RALGAPA2: variants seen among roughly 807,000 people sequenced by gnomAD.
RALGAPA2 encodes ral GTPase-activating protein subunit alpha-2.
In RALGAPA2, 139 loss-of-function variants were observed where a neutral mutation model predicts 230.4. That is an observed-to-expected ratio of 0.60 (90% confidence interval 0.53 to 0.69). The LOEUF is 0.69. Among genes scored for constraint, RALGAPA2 ranks in the 30% least tolerant of loss-of-function variants. The probability of loss-of-function intolerance (pLI) is 0.00; values close to 1 mark genes in which losing one functional copy is unlikely to be tolerated. For missense variants in RALGAPA2, 2,163 were observed against 2,276.0 expected (o/e 0.95, Z 1.01); for synonymous variants, 847 against 837.8 (o/e 1.01, Z -0.19).
At chr20:20,457,155 G>C (rs986098214) in intron 37 of RALGAPA2, among the ~76,000 whole-genome samples, 1 of 152,164 alleles carries the variant, frequency 6.6e-6, no homozygotes, top group African/African-American at 2.4e-5. Flanking sequence ...GACTGTCCTA[G>C]GTCAGGTTCA....
intron 23 of RALGAPA2, among the ~76,000 whole-genome samples, chr20:20,561,609 T>C (rs1328241808): frequency 2.6e-5 from 4 of 152,184 alleles, no homozygotes; most frequent in Admixed American, 2.6e-4. Flanking sequence ...TGTACCCCCT[T>C]TTTGAAAACT....
At position 20,605,174 on chromosome 20, in the gene RALGAPA2, C is replaced by A. The variant is rs749714114; in HGVS notation, c.2038+1G>T. 14 of 1,594,180 alleles carry A rather than the reference C, an allele frequency of 8.8e-6. No individual in the cohort carries two copies. The highest frequency in any genetic ancestry group is 1.2e-5 in the Non-Finnish European group (14 of 1,165,468). ...GTGTTAACCTGGAAGAGTGGAAATA[C>A]CTTTGCCTCGTTGCTTCTTTTCCTT... On this transcript the variant is annotated splice_donor_variant, in intron 15 of 39. Transcript: ENST00000202677. LOFTEE classifies it high-confidence loss of function.
At chr20:20,538,959 T>C (rs2063568660) in intron 24 of RALGAPA2, among the ~76,000 whole-genome samples, 1 of 152,220 alleles carries the variant, frequency 6.6e-6, no homozygotes, top group Admixed American at 6.5e-5. Flanking sequence ...TTCAATTAAA[T>C]AAATGAAATT....
intron 36 of RALGAPA2, among the ~76,000 whole-genome samples, 195 bp downstream of exon 36, chr20:20,494,922 C>A (rs992759658): frequency 1.3e-5 from 2 of 152,098 alleles, no homozygotes; most frequent in African/African-American, 4.8e-5. Context: ...CAATTTTGTG[C>A]TCATGATGAA....
At chr20:20,549,390 T>C (rs182371266) in intron 23 of RALGAPA2, among the ~76,000 whole-genome samples, 2 of 152,266 alleles carry the variant, frequency 1.3e-5, no homozygotes, top group Admixed American at 1.3e-4. Flanking sequence ...CAACGGAACC[T>C]GCTACTATGA....
chr20:20,574,046 G>A (rs1458621294), intron 20 of RALGAPA2, among the ~76,000 whole-genome samples: 7 of 152,134 alleles, frequency 4.6e-5, no homozygotes, highest in South Asian at 4.1e-4. Flanking sequence ...GTGCTGTTAC[G>A]GTTTGCACTC....
At chr20:20,666,471 ACT>A (rs2067958610) in intron 3 of RALGAPA2, among the ~76,000 whole-genome samples, 1 of 152,156 alleles carries the variant, frequency 6.6e-6, no homozygotes, top group African/African-American at 2.4e-5. Flanking sequence ...TCCCTCTTCC[ACT>A]CAAAAACCGT....
At chr20:20,539,569 C>T (rs2063586318) in intron 24 of RALGAPA2, among the ~76,000 whole-genome samples, 1 of 151,914 alleles carries the variant, frequency 6.6e-6, no homozygotes, top group Non-Finnish European at 1.5e-5. Context: ...AAATGATTAC[C>T]ACAAACAAGT....
chr20:20,708,244 G>C (rs1292572940), intron 1 of RALGAPA2, among the ~76,000 whole-genome samples: 4 of 152,082 alleles, frequency 2.6e-5, no homozygotes, highest in African/African-American at 7.2e-5. Context: ...CACTAAAAAA[G>C]ATTAAAATTG....
intron 37 of RALGAPA2, among the ~76,000 whole-genome samples, chr20:20,432,088 C>T (rs1004880912): frequency 6.6e-6 from 1 of 152,186 alleles, no homozygotes; most frequent in African/African-American, 2.4e-5. Context: ...GTGCGAGAAA[C>T]AGTAAGGACT....
intron 10 of RALGAPA2, among the ~76,000 whole-genome samples, chr20:20,627,518 GTT>G (rs1018819644): frequency 9.9e-5 from 15 of 152,248 alleles, no homozygotes; most frequent in African/African-American, 2.9e-4. Flanking sequence ...TCTACACCTG[GTT>G]TACCCAGTCA....
chr20:20,672,098 T>C (rs1317290408), intron 3 of RALGAPA2, among the ~76,000 whole-genome samples: 1 of 152,154 alleles, frequency 6.6e-6, no homozygotes, highest in East Asian at 1.9e-4. Flanking sequence ...TTCCCAGCTA[T>C]GGTAAGTTTA....
chr20:20,688,901 C>T (rs1214536513), intron 1 of RALGAPA2, among the ~76,000 whole-genome samples: 1 of 152,152 alleles, frequency 6.6e-6, no homozygotes, highest in East Asian at 1.9e-4. Context: ...GTCAGGACTA[C>T]TACCCTAGAT....
intron 37 of RALGAPA2, among the ~76,000 whole-genome samples, chr20:20,465,149 T>TCTCACACACACACACACACACA (rs1556066770): frequency 2.7e-5 from 3 of 109,210 alleles, no homozygotes; most frequent in East Asian, 3.1e-4. Flanking sequence ...CCGCAGGCCT[T>TCTCACACACACACACACACACA]CACACACACA....
In RALGAPA2 at chr20:20,395,036, G is replaced by T. The variant is rs8115996; in HGVS notation, c.*35+1659C>A. ...CACTCACCCAGGGAGGATAAAGAGG[G>T]AAAGAGGGGTGCACCTCGAGTTCCT... On this transcript the variant is annotated intron_variant, in intron 39 of 39. Coordinates refer to ENST00000202677, the MANE Select transcript of RALGAPA2 (RefSeq NM_020343.4). 6.1e-3 allele frequency among the ~76,000 whole-genome samples: 927 copies of T among 152,330 alleles called. 12 individuals are homozygous for T. Among genetic ancestry groups the T allele is most frequent in the African/African-American group, 0.021 (890 of 41,576 alleles).
At chr20:20,481,701 T>C (rs2061779537) in intron 36 of RALGAPA2, among the ~76,000 whole-genome samples, 1 of 152,214 alleles carries the variant, frequency 6.6e-6, no homozygotes, top group East Asian at 1.9e-4. Flanking sequence ...AGCATCTGCA[T>C]ACAGGTGTGA....
Position 20,591,312 on chromosome 20 carries a change from C to A in RALGAPA2, c.2206G>T (p.Val736Leu), listed in dbSNP as rs1377171113. ...RNIVRQKATE[V>L]EECQQSENAP... ...TTTTCTGACTGTTGACACTCCTCCA[C>A]TTCTGTGAGCATTAACAAAACATGC... Residue 736 changes from valine to leucine, a missense_variant and splice_region_variant, in exon 17 of 40, where the codon GTG becomes TTG. Physicochemically the swap from Val to Leu is conservative, Grantham distance 32 (BLOSUM62 1). Transcript: ENST00000202677. 1 of 1,612,354 alleles carries A rather than the reference C, an allele frequency of 6.2e-7. No homozygotes were observed. The highest frequency in any genetic ancestry group is 2.2e-5 in the East Asian group (1 of 44,820).
intron 1 of RALGAPA2, among the ~76,000 whole-genome samples, chr20:20,689,550 G>A (rs1181961941): frequency 1.3e-5 from 2 of 152,198 alleles, no homozygotes; most frequent in African/African-American, 2.4e-5. Context: ...GCTGAGGCAG[G>A]AGAATCACTT....
At chr20:20,436,943 C>T (rs563946098) in intron 37 of RALGAPA2, among the ~76,000 whole-genome samples, 2 of 152,266 alleles carry the variant, frequency 1.3e-5, no homozygotes, top group East Asian at 1.9e-4. Context: ...ATCATGGCAG[C>T]CGCACCGGGG....
Sources: gnomAD v4.1 joint callset for allele counts (sites outside exome capture counted in the v4.1 genomes callset) on GRCh38, gnomAD v4.1.1 for gene constraint, MANE v1.5 for transcripts, NCBI Gene and HGNC (gene_info 2026-07-23, HGNC 2026-07-21) for gene names.